ZFHX3: variants seen among roughly 807,000 people sequenced by gnomAD.
The protein encoded by ZFHX3 is zinc finger homeobox 3.
ZFHX3 carries 42 observed loss-of-function variants against 279.1 expected under a neutral mutation model. The observed-to-expected ratio is 0.15, with a 90% CI of 0.12 to 0.19. ZFHX3 has a LOEUF of 0.19. ZFHX3 is among the 10% of genes least tolerant of loss of function. ZFHX3 has a pLI of 1.00. For missense variants in ZFHX3, 4,981 were observed against 4,754.0 expected, an observed-to-expected ratio of 1.05 and a Z score of -1.40; for synonymous variants, 2,293 against 1,957.8, an observed-to-expected ratio of 1.17 and a Z score of -4.52.
At chr16:73,393,040 G>C (rs534379056) in intron 3 of ZFHX3, among the ~76,000 whole-genome samples, 1 of 152,244 alleles carries the variant, frequency 6.6e-6, no homozygotes, top group East Asian at 1.9e-4. Flanking sequence ...TCACCACATT[G>C]GCCAGGCTGG....
At chr16:73,710,111 A>T (rs1258994472) in intron 1 of ZFHX3, among the ~76,000 whole-genome samples, 1 of 152,202 alleles carries the variant, frequency 6.6e-6, no homozygotes, top group East Asian at 1.9e-4. Context: ...TGAACCTGGG[A>T]GGTGGACGTT....
chr16:72,998,425 GA>G lies in ZFHX3; in HGVS notation c.-49-38232del, dbSNP rs1399548624. ...CAAAAAATAATAATACTAATAAGGG[GA>G]AAAAAGAAACAGGTGAAATTCATTG... On this transcript the variant is annotated intron_variant, in intron 1 of 9. Coordinates refer to ENST00000268489, the MANE Select transcript of ZFHX3 (RefSeq NM_006885.4). 2.1e-4 allele frequency among the ~76,000 whole-genome samples: 32 copies of G among 152,102 alleles called. 1 individual carries two copies. The highest frequency in any genetic ancestry group is 1.7e-3 in the Admixed American group (26 of 15,274).
intron 2 of ZFHX3, among the ~76,000 whole-genome samples, chr16:73,476,439 C>A (rs1198198534): frequency 1.3e-5 from 2 of 152,106 alleles, no homozygotes; most frequent in African/African-American, 4.8e-5. Context: ...CCATTGATGG[C>A]AAGCAGCAAA....
At chr16:73,803,799 A>G (rs1960200902) in intron 1 of ZFHX3, among the ~76,000 whole-genome samples, 1 of 152,242 alleles carries the variant, frequency 6.6e-6, no homozygotes, top group African/African-American at 2.4e-5. Flanking sequence ...AAAGTAAAAT[A>G]AAAGGAACAA....
intron 8 of ZFHX3, among the ~76,000 whole-genome samples, chr16:73,067,761 C>T (rs1024888991): frequency 1.3e-5 from 2 of 152,102 alleles, no homozygotes; most frequent in African/African-American, 4.8e-5. Context: ...AATTTAGTGC[C>T]CAGCCTTGGA....
At position 73,412,659 on chromosome 16, in the gene ZFHX3, C is replaced by T. The variant is rs544846664; in HGVS notation, c.-1291+43344G>A. Among the ~76,000 whole-genome samples, 4 of 152,288 alleles carry T rather than the reference C, an allele frequency of 2.6e-5. No individual in the cohort carries two copies. In the East Asian group the frequency reaches 7.7e-4, roughly 29 times the overall value. The stretch of plus-strand genomic sequence containing the variant: ...GAACCCCTGGGGCTGCTATTAGTAT[C>T]GGACTTTAGACACATTACAAGTTAA... On this transcript the variant is annotated intron_variant, in intron 3 of 17. Transcript: ENST00000641206.
At chr16:73,565,023 C>A (rs909115720) in intron 2 of ZFHX3, among the ~76,000 whole-genome samples, 1 of 152,118 alleles carries the variant, frequency 6.6e-6, no homozygotes, top group East Asian at 1.9e-4. Context: ...GAGGCCAAGG[C>A]GGGCAGATCA....
At chr16:73,815,395 G>T in intron 1 of ZFHX3, among the ~76,000 whole-genome samples, 1 of 152,060 alleles carries the variant, frequency 6.6e-6, no homozygotes, top group Non-Finnish European at 1.5e-5. Context: ...GCAGGATATG[G>T]CCCCTAGGAG....
At chr16:73,267,273 T>A (rs987205755) in intron 4 of ZFHX3, among the ~76,000 whole-genome samples, 3 of 152,098 alleles carry the variant, frequency 2.0e-5, no homozygotes, top group Non-Finnish European at 2.9e-5. Context: ...CACATTTCCT[T>A]TGTAACTTCA....
At chr16:73,217,434 G>A (rs2012254246) in intron 5 of ZFHX3, among the ~76,000 whole-genome samples, 2 of 152,100 alleles carry the variant, frequency 1.3e-5, no homozygotes, top group African/African-American at 4.8e-5. Context: ...TGGCCCACAG[G>A]GGTTTGGTAT....
intron 1 of ZFHX3, among the ~76,000 whole-genome samples, chr16:73,709,686 C>G (rs1323081384): frequency 6.6e-6 from 1 of 151,918 alleles, no homozygotes; most frequent in African/African-American, 2.4e-5. Context: ...AGAATAACTT[C>G]AAGAGATCTA....
chr16:73,630,800 T>C (rs1000878539), intron 2 of ZFHX3, among the ~76,000 whole-genome samples: 2 of 152,204 alleles, frequency 1.3e-5, no homozygotes, highest in Non-Finnish European at 2.9e-5. Flanking sequence ...CTGGTTGTTT[T>C]CAGGAGAAAT....
At chr16:73,551,241 C>A (rs1226598167) in intron 2 of ZFHX3, among the ~76,000 whole-genome samples, 1 of 151,930 alleles carries the variant, frequency 6.6e-6, no homozygotes, top group African/African-American at 2.4e-5. Flanking sequence ...AGGGAAAATG[C>A]GAGGGGGTTT....
chr16:72,906,365 G>A (rs1025820975), intron 3 of ZFHX3, among the ~76,000 whole-genome samples: 17 of 151,984 alleles, frequency 1.1e-4, no homozygotes, highest in South Asian at 2.1e-4. Context: ...AGCCGTGGTC[G>A]ATGATCGCAC....
At chr16:72,968,880 T>C (rs1961972642) in intron 1 of ZFHX3, among the ~76,000 whole-genome samples, 2 of 152,058 alleles carry the variant, frequency 1.3e-5, no homozygotes, top group African/African-American at 4.8e-5. Flanking sequence ...TTCAAATGGG[T>C]TAGGAAAAAA....
At chr16:73,160,670 T>C (rs939129166) in intron 5 of ZFHX3, among the ~76,000 whole-genome samples, 1 of 152,092 alleles carries the variant, frequency 6.6e-6, no homozygotes, top group Admixed American at 6.6e-5. Context: ...TTTCTTACCA[T>C]GAGTGCAAGA....
At chr16:73,417,396 CTTT>C (rs57283343) in intron 3 of ZFHX3, among the ~76,000 whole-genome samples, 2 of 118,768 alleles carry the variant, frequency 1.7e-5, no homozygotes, top group Non-Finnish European at 1.7e-5. Context: ...TTTTTCTTTT[CTTT>C]TTTTTTTTTT....
In ZFHX3 at chr16:72,994,551, G is replaced by A. The variant is rs928040913; in HGVS notation, c.-49-34357C>T. Among the ~76,000 whole-genome samples the A allele has an allele frequency of 3.3e-5, 5 of 152,208 alleles. 1 individual carries two copies. The highest frequency in any genetic ancestry group is 5.9e-5 in the Non-Finnish European group (4 of 68,042). ...CATCGAGCCAAGGGGGCCTGGCTATGGCAGCCTATCCGACTCCTACCTCCT... is the reference window on the plus strand; with the variant it reads ...CATCGAGCCAAGGGGGCCTGGCTATAGCAGCCTATCCGACTCCTACCTCCT... On this transcript the variant is annotated intron_variant, in intron 1 of 9. Transcript: ENST00000268489.
At chr16:73,883,528 T>C (rs2030245689) in intron 1 of ZFHX3, among the ~76,000 whole-genome samples, 2 of 151,958 alleles carry the variant, frequency 1.3e-5, no homozygotes, top group Admixed American at 6.6e-5. Flanking sequence ...AACAATGACA[T>C]GTGCACACAT....
Sources: allele counts gnomAD v4.1 joint callset (sites outside exome capture counted in the v4.1 genomes callset), GRCh38; gene constraint gnomAD v4.1.1; transcripts MANE v1.5; gene names NCBI Gene and HGNC (gene_info 2026-07-23, HGNC 2026-07-21).